SCRN1: variants seen among roughly 807,000 people sequenced by gnomAD.
The protein encoded by SCRN1 is secernin-1.
Under a neutral mutation model 43.3 loss-of-function variants are expected in SCRN1, and 19 were observed. The observed-to-expected ratio is 0.44, with a 90% CI of 0.31 to 0.64. The LOEUF (loss-of-function observed/expected upper bound fraction) is 0.64. Ranked by LOEUF, SCRN1 falls within the 30% of genes least tolerant of loss-of-function variation. The pLI is 0.09. For synonymous variants in SCRN1, 183 were observed against 188.9 expected (o/e 0.97, Z 0.26); for missense variants, 447 against 524.1 (o/e 0.85, Z 1.44).
chr7:29,939,031 C>G (rs1787440574), intron 5 of SCRN1, among the ~76,000 whole-genome samples: 1 of 152,022 alleles, frequency 6.6e-6, no homozygotes, highest in Non-Finnish European at 1.5e-5. Context: ...GATGTTTTGG[C>G]AACATTATTT....
intron 3 of SCRN1, among the ~76,000 whole-genome samples, chr7:29,951,413 G>C (rs2128093037): frequency 6.6e-6 from 1 of 152,266 alleles, no homozygotes; most frequent in East Asian, 1.9e-4. Context: ...CCAAGTGGTG[G>C]AACAAGCCCA....
rs774218686 is a variant in SCRN1, at chr7:29,965,088, G to T, written c.159+3821C>A. Among the ~76,000 whole-genome samples, 13 of 152,002 alleles carry T rather than the reference G, an allele frequency of 8.6e-5. No individual in the cohort carries two copies. The highest frequency in any genetic ancestry group is 1.8e-4 in the Non-Finnish European group (12 of 68,018). On this transcript the variant is annotated intron_variant, in intron 2 of 7. Transcript: ENST00000242059. The surrounding 1 kb of genome is among the most constrained non-coding windows in gnomAD (Gnocchi z 4.2). ...TGTTTGGGAACTCTCTGTGCCTTCT[G>T]TTCATTTTTCTGTAAACATAAAACT...
intron 7 of SCRN1, among the ~76,000 whole-genome samples, chr7:29,924,514 G>A (rs942234577): frequency 2.6e-5 from 4 of 152,142 alleles, no homozygotes; most frequent in African/African-American, 4.8e-5. Context: ...CTTTCTCAGC[G>A]CTTGGTCGAC....
At chr7:29,940,939 G>A in intron 4 of SCRN1, 63 bp from the exon 5 acceptor site, 3 of 1,326,470 alleles carry the variant, frequency 2.3e-6, no homozygotes, top group Non-Finnish European at 3.0e-6. Flanking sequence ...TCAACAAATG[G>A]AAATGTATAG....
In SCRN1 at chr7:29,950,999, G is replaced by A. The variant is rs528215762; in HGVS notation, c.341+4180C>T. Among the ~76,000 whole-genome samples the A allele has an allele frequency of 7.9e-5, 12 of 152,358 alleles. No individual in the cohort carries two copies. Among genetic ancestry groups the A allele is most frequent in the African/African-American group, 2.9e-4 (12 of 41,584 alleles). ...GAGCTATAACACAAACAGTGCTGAA[G>A]CACACCCCCAGCCCCCACCATTTGC... On this transcript the variant is annotated intron_variant, in intron 3 of 7. Coordinates refer to ENST00000242059, the MANE Select transcript of SCRN1 (RefSeq NM_014766.5). The surrounding 1 kb of genome is among the most constrained non-coding windows in gnomAD (Gnocchi z 4.5).
intron 2 of SCRN1, among the ~76,000 whole-genome samples, chr7:29,962,344 A>G (rs1442703304): frequency 6.6e-6 from 1 of 151,318 alleles, no homozygotes; most frequent in Non-Finnish European, 1.5e-5. Flanking sequence ...TGGGACCTCA[A>G]CACTCAAGTA....
At chr7:29,955,762 G>C (rs1338233267) in intron 2 of SCRN1, among the ~76,000 whole-genome samples, 11 of 152,202 alleles carry the variant, frequency 7.2e-5, no homozygotes, top group Non-Finnish European at 1.5e-5. Context: ...GCAGGTAAAA[G>C]GGAAGATCTT....
chr7:29,951,474 G>A (rs951126957), intron 3 of SCRN1, among the ~76,000 whole-genome samples: 10 of 152,152 alleles, frequency 6.6e-5, no homozygotes, highest in Admixed American at 2.6e-4. Context: ...AGAGGTTTCC[G>A]GCTGGAAAAG....
At chr7:29,937,982 T>C (rs982189994) in intron 5 of SCRN1, among the ~76,000 whole-genome samples, 4 of 152,162 alleles carry the variant, frequency 2.6e-5, no homozygotes, top group Non-Finnish European at 4.4e-5. Context: ...TTGATTTGAA[T>C]TGGAACCAAT....
intron 1 of SCRN1, among the ~76,000 whole-genome samples, chr7:29,974,140 C>T (rs912355220): frequency 1.3e-5 from 2 of 152,094 alleles, no homozygotes; most frequent in Non-Finnish European, 1.5e-5. Context: ...TCCAACTTTC[C>T]TATAAGTATT....
chr7:29,938,849 C>A (rs934373757), intron 5 of SCRN1, among the ~76,000 whole-genome samples: 1 of 152,212 alleles, frequency 6.6e-6, no homozygotes, highest in Non-Finnish European at 1.5e-5. Context: ...CCACTCCACA[C>A]CTCTACACTT....
In SCRN1 at chr7:29,950,167, G is replaced by A. The variant is rs1185327043; in HGVS notation, c.341+5012C>T. Among the ~76,000 whole-genome samples the A allele has an allele frequency of 2.0e-5, 3 of 152,224 alleles. No homozygotes were observed. The highest frequency in any genetic ancestry group is 4.4e-5 in the Non-Finnish European group (3 of 68,030). On this transcript the variant is annotated intron_variant, in intron 3 of 7. Coordinates refer to ENST00000242059, the MANE Select transcript of SCRN1 (RefSeq NM_014766.5). This position sits in a 1 kb window ranked among gnomAD's most constrained non-coding sequence, Gnocchi z 4.5. ...AGCCCTTGCCCCTACAGGCTTGGAAGTGCCTGCTTCCTGCTCCCTGACCTC... is the reference window on the plus strand; with the variant it reads ...AGCCCTTGCCCCTACAGGCTTGGAAATGCCTGCTTCCTGCTCCCTGACCTC...
At chr7:29,935,782 G>A (rs1231827099) in intron 6 of SCRN1, among the ~76,000 whole-genome samples, 2 of 152,194 alleles carry the variant, frequency 1.3e-5, no homozygotes, top group Admixed American at 6.5e-5. Context: ...ATCAGAGATC[G>A]TCTTCATAAA....
intron 3 of SCRN1, among the ~76,000 whole-genome samples, chr7:29,945,272 C>A (rs777323191): frequency 2.0e-4 from 30 of 152,200 alleles, no homozygotes; most frequent in Non-Finnish European, 4.0e-4. Flanking sequence ...CAAATTACAT[C>A]TCCCAGAATT....
At chr7:29,975,859 G>A (rs1349685306) in intron 1 of SCRN1, among the ~76,000 whole-genome samples, 2 of 152,206 alleles carry the variant, frequency 1.3e-5, no homozygotes, top group Admixed American at 6.5e-5. Context: ...AGAAGTCCTT[G>A]TTAAGAGTAT....
intron 3 of SCRN1, among the ~76,000 whole-genome samples, chr7:29,951,380 T>C (rs1436786803): frequency 1.3e-5 from 2 of 152,180 alleles, no homozygotes; most frequent in African/African-American, 4.8e-5. Flanking sequence ...GCCAGTAGCA[T>C]AAGCTGAGTA....
intron 1 of SCRN1, chr7:29,969,729 T>A (rs184084966): frequency 4.6e-6 from 2 of 436,890 alleles, no homozygotes; most frequent in African/African-American, 4.0e-5. Flanking sequence ...TCTGGGAAAA[T>A]GCATCCATGC....
chr7:29,925,384 A>G (rs1265835283), intron 7 of SCRN1, among the ~76,000 whole-genome samples: 1 of 152,188 alleles, frequency 6.6e-6, no homozygotes, highest in Non-Finnish European at 1.5e-5. Flanking sequence ...GTCAAATGCA[A>G]GAGGCTCACA....
At chr7:29,968,872 G>T in intron 2 of SCRN1, 37 bp downstream of exon 2, 1 of 1,612,242 alleles carries the variant, frequency 6.2e-7, no homozygotes, top group Non-Finnish European at 8.5e-7. Flanking sequence ...CCAGAGAAAA[G>T]AGAGTGTGAC....
Sources: gnomAD v4.1 joint callset for allele counts (sites outside exome capture counted in the v4.1 genomes callset) on GRCh38, gnomAD v4.1.1 for gene constraint, Gnocchi (gnomAD v3.1) non-coding constraint, MANE v1.5 for transcripts, NCBI Gene and HGNC (gene_info 2026-07-23, HGNC 2026-07-21) for gene names.